Variants in PTPRD observed in about 807,000 individuals in gnomAD.
PTPRD encodes the protein protein tyrosine phosphatase receptor type D.
In PTPRD, 34 loss-of-function variants were observed where a neutral mutation model predicts 214.5. The observed-to-expected ratio is 0.16, with a 90% confidence interval of 0.12 to 0.21. The LOEUF is 0.21. PTPRD is among the 10% of genes least tolerant of loss of function. PTPRD has a pLI of 1.00. For missense variants in PTPRD, 2,545 were observed against 2,398.7 expected (o/e 1.06, Z -1.27); for synonymous variants, 1,128 against 845.7 (o/e 1.33, Z -5.79).
intron 11 of PTPRD, among the ~76,000 whole-genome samples, chr9:8,990,375 G>C (rs1468111786): frequency 6.6e-6 from 1 of 152,148 alleles, no homozygotes; most frequent in Non-Finnish European, 1.5e-5. Context: ...GCATCTGCTT[G>C]TACCGAACAT....
intron 44 of PTPRD, among the ~76,000 whole-genome samples, chr9:8,329,232 C>T (rs564922272): frequency 6.6e-6 from 1 of 152,130 alleles, no homozygotes; most frequent in Non-Finnish European, 1.5e-5. Flanking sequence ...CGTGCTATTC[C>T]TTTCTGTCTG....
chr9:9,812,143 T>A (rs888383516), intron 5 of PTPRD, among the ~76,000 whole-genome samples: 1 of 152,190 alleles, frequency 6.6e-6, no homozygotes, highest in Non-Finnish European at 1.5e-5. Flanking sequence ...ATGCATTTTT[T>A]TTTAGACATA....
chr9:8,730,750 T>C (rs2098648200), intron 12 of PTPRD, among the ~76,000 whole-genome samples: 1 of 152,202 alleles, frequency 6.6e-6, no homozygotes, highest in African/African-American at 2.4e-5. Flanking sequence ...GAATCTTTAA[T>C]CTGCATGCAT....
chr9:9,918,018 C>T (rs994533386), intron 5 of PTPRD, among the ~76,000 whole-genome samples: 3 of 151,928 alleles, frequency 2.0e-5, no homozygotes, highest in Non-Finnish European at 4.4e-5. Flanking sequence ...AGACAACTCT[C>T]ACCTGTCTTA....
At chr9:10,389,231 T>TATCA (rs1650000978) in intron 2 of PTPRD, among the ~76,000 whole-genome samples, 1 of 151,874 alleles carries the variant, frequency 6.6e-6, no homozygotes, top group African/African-American at 2.4e-5. Context: ...TATTTTGTGC[T>TATCA]ATCACAATGA....
At chr9:9,592,124 C>T (rs2092794315) in intron 7 of PTPRD, among the ~76,000 whole-genome samples, 1 of 151,876 alleles carries the variant, frequency 6.6e-6, no homozygotes, top group African/African-American at 2.4e-5. Flanking sequence ...AATTATTTAG[C>T]CATTGTCATA....
At chr9:9,205,726 T>G (rs1222421197) in intron 9 of PTPRD, among the ~76,000 whole-genome samples, 1 of 152,220 alleles carries the variant, frequency 6.6e-6, no homozygotes, top group Non-Finnish European at 1.5e-5. Context: ...AACTATCTAT[T>G]TATCCATTCT....
At chr9:9,057,168 T>C (rs2099697862) in intron 10 of PTPRD, among the ~76,000 whole-genome samples, 1 of 152,190 alleles carries the variant, frequency 6.6e-6, no homozygotes, top group South Asian at 2.1e-4. Context: ...TCACCTTCTC[T>C]AATATATAAA....
intron 11 of PTPRD, among the ~76,000 whole-genome samples, chr9:8,904,611 G>T (rs2098694816): frequency 6.6e-6 from 1 of 150,776 alleles, no homozygotes; most frequent in African/African-American, 2.5e-5. Context: ...GGCAAAAGTT[G>T]CAGTGAGCTG....
At chr9:9,476,293 C>G (rs2146819998) in intron 8 of PTPRD, among the ~76,000 whole-genome samples, 1 of 152,252 alleles carries the variant, frequency 6.6e-6, no homozygotes, top group East Asian at 1.9e-4. Context: ...GCAAATATTT[C>G]TATTCACTCT....
rs565599162 is a variant in PTPRD, at chr9:10,048,190, T to G, written c.-544-14400A>C. 9.8e-5 allele frequency among the ~76,000 whole-genome samples: 15 copies of G among 152,300 alleles called. 1 individual carries two copies. In the South Asian group the frequency reaches 3.1e-3, roughly 32 times the overall value. On this transcript the variant is annotated intron_variant, in intron 3 of 45. Transcript: ENST00000381196. ...GGGACTAGTTCCTTGATCTTCTGCA[T>G]TGCTTTATTGCTTGTCTTAACCTCA... is the stretch of plus-strand genomic sequence containing the variant.
intron 12 of PTPRD, among the ~76,000 whole-genome samples, chr9:8,673,857 G>C (rs970677912): frequency 6.6e-6 from 1 of 152,014 alleles, no homozygotes; most frequent in African/African-American, 2.4e-5. Flanking sequence ...ATTGACATTG[G>C]GGCTGTCCTG....
intron 10 of PTPRD, among the ~76,000 whole-genome samples, chr9:9,081,813 G>A (rs926012469): frequency 6.7e-6 from 1 of 149,336 alleles, no homozygotes; most frequent in South Asian, 2.1e-4. Flanking sequence ...GACTAGGATT[G>A]CAACTCCTGC....
chr9:8,939,748 C>A (rs1394114909), intron 11 of PTPRD, among the ~76,000 whole-genome samples: 1 of 152,088 alleles, frequency 6.6e-6, no homozygotes, highest in Non-Finnish European at 1.5e-5. Context: ...AAGTGTTAAA[C>A]TATTTGAACA....
At chr9:10,218,187 T>C (rs778096367) in intron 3 of PTPRD, among the ~76,000 whole-genome samples, 1 of 151,870 alleles carries the variant, frequency 6.6e-6, no homozygotes, top group Non-Finnish European at 1.5e-5. Flanking sequence ...TTCTTACGAA[T>C]AGCGTCTTAG....
intron 10 of PTPRD, among the ~76,000 whole-genome samples, chr9:9,086,051 AT>A (rs1236273209): frequency 5.9e-5 from 9 of 152,304 alleles, no homozygotes; most frequent in African/African-American, 2.2e-4. Flanking sequence ...AAGTAAATAA[AT>A]TTTCAAGGTG....
At chr9:10,081,611 T>G (rs1202151532) in intron 3 of PTPRD, among the ~76,000 whole-genome samples, 1 of 152,046 alleles carries the variant, frequency 6.6e-6, no homozygotes, top group Non-Finnish European at 1.5e-5. Flanking sequence ...GATCTGAGAC[T>G]TTCAGCCTTC....
At chr9:9,690,796 G>A (rs2097256033) in intron 7 of PTPRD, among the ~76,000 whole-genome samples, 1 of 151,666 alleles carries the variant, frequency 6.6e-6, no homozygotes, top group African/African-American at 2.4e-5. Context: ...CTTATTTCTG[G>A]TCTCTATTCT....
intron 9 of PTPRD, among the ~76,000 whole-genome samples, chr9:9,316,566 ACC>A (rs1963261080): frequency 1.3e-5 from 2 of 152,136 alleles, no homozygotes; most frequent in South Asian, 4.1e-4. Context: ...ACCAGTTTTT[ACC>A]CTATCATGAA....
Sources: allele counts gnomAD v4.1 joint callset (sites outside exome capture counted in the v4.1 genomes callset), GRCh38; gene constraint gnomAD v4.1.1; transcripts MANE v1.5; gene names NCBI Gene and HGNC (gene_info 2026-07-23, HGNC 2026-07-21).